Variants in PAX6 observed in about 807,000 individuals in gnomAD.
The protein encoded by PAX6 is paired box protein Pax-6.
In PAX6, 7 loss-of-function variants were observed where a neutral mutation model predicts 60.7. That is an observed-to-expected ratio of 0.12 (90% CI 0.07 to 0.22). The LOEUF (loss-of-function observed/expected upper bound fraction) is 0.22. PAX6 is among the 10% of genes least tolerant of loss of function. The pLI is 1.00. For synonymous variants in PAX6, 208 were observed against 201.2 expected, an observed-to-expected ratio of 1.03 and a Z score of -0.29; for missense variants, 355 against 555.2, an observed-to-expected ratio of 0.64 and a Z score of 3.62.
chr11:31,794,418 CACCACACACA>C (rs1267369446), intron 9 of PAX6: 54 of 466,438 alleles, frequency 1.2e-4, no homozygotes, highest in Admixed American at 6.8e-4. Flanking sequence ...CACACACACA[CACCACACACA>C]CACACACACA....
At chr11:31,799,833 C>A (rs934531728) in intron 8 of PAX6, among the ~76,000 whole-genome samples, 2 of 152,176 alleles carry the variant, frequency 1.3e-5, no homozygotes, top group Admixed American at 1.3e-4. Flanking sequence ...ATATTATCTC[C>A]TTGTCACGAG....
intron 8 of PAX6, among the ~76,000 whole-genome samples, chr11:31,797,053 AG>A (rs1951810745): frequency 6.6e-6 from 1 of 152,146 alleles, no homozygotes; most frequent in Admixed American, 6.5e-5. Context: ...TGAAGAAGGA[AG>A]ACTGGAAATA....
intron 8 of PAX6, among the ~76,000 whole-genome samples, chr11:31,797,861 C>A (rs1204551913): frequency 6.6e-6 from 1 of 152,108 alleles, no homozygotes; most frequent in East Asian, 1.9e-4. Context: ...AAAGCAGGGG[C>A]CTTCAGTGGG....
chr11:31,816,672 G>T, intron 1 of PAX6: 1 of 695,122 alleles, frequency 1.4e-6, no homozygotes. Context: ...CACTGCGCTC[G>T]TCCCCCGTTT....
chr11:31,794,434 ACAC>A (rs2134640514), intron 9 of PAX6, 193 bp downstream of exon 9: 2 of 26,234 alleles, frequency 7.6e-5, no homozygotes, highest in East Asian at 4.5e-4. Flanking sequence ...ACACACACAC[ACAC>A]ACACACACAC....
At chr11:31,803,423 G>A (rs1406758254) in intron 4 of PAX6, 3 of 154,840 alleles carry the variant, frequency 1.9e-5, no homozygotes, top group Non-Finnish European at 2.9e-5. Context: ...TGCTCCCTTA[G>A]ACGCTAAAAT....
intron 4 of PAX6, 147 bp from the exon 5 acceptor site, chr11:31,802,981 G>C: frequency 6.1e-6 from 5 of 819,520 alleles, no homozygotes; most frequent in Admixed American, 2.1e-5. Flanking sequence ...AGGAGAGGAG[G>C]AGGAGACAAC....
chr11:31,802,846 G>C lies in PAX6; in HGVS notation c.11-12C>G, dbSNP rs766046559. ...CACTCCGCTGTGACCTGAGGAAAGGGAGAGGAGAGGAAAGGGGAAAAGAAG... is the reference window on the plus strand; with the variant it reads ...CACTCCGCTGTGACCTGAGGAAAGGCAGAGGAGAGGAAAGGGGAAAAGAAG... On this transcript the variant is annotated splice_polypyrimidine_tract_variant and intron_variant, in intron 4 of 13. Transcript: ENST00000640368. 1.3e-5 allele frequency: 21 copies of C among 1,613,488 alleles called. No homozygotes were observed. The African/African-American group carries it at 1.7e-4, about 13-fold the overall frequency.
In PAX6 at chr11:31,807,087, G is replaced by T. The variant is rs565376321; in HGVS notation, c.-128-162C>A. On this transcript the variant is annotated intron_variant, in intron 2 of 13. Transcript: ENST00000640368. The stretch of plus-strand genomic sequence containing the variant: ...CCAGCATTACACCCACATTTTCAGC[G>T]GCATCTGCCACAGAAGTCTCCATCC... Among the ~76,000 whole-genome samples, 5 of 152,182 alleles carry T rather than the reference G, an allele frequency of 3.3e-5. No homozygotes were observed. In the South Asian group the frequency reaches 1.0e-3, roughly 32 times the overall value.
chr11:31,790,332 G>T, intron 13 of PAX6: 1 of 717,276 alleles, frequency 1.4e-6, no homozygotes, highest in Non-Finnish European at 2.0e-6. Context: ...AAACCAATGT[G>T]TCACTTTTTA....
rs781132704 is a variant in PAX6 at position 31,801,340 on chromosome 11, T to C, written c.399+221A>G. The C allele has an allele frequency of 2.0e-5, 29 of 1,449,788 alleles. No homozygotes were observed. In the African/African-American group the frequency reaches 3.0e-4, roughly 15 times the overall value. The allele number at this position is 1,449,788 out of a possible 1,614,324, so 89.8% of individuals were successfully genotyped here. On this transcript the variant is annotated intron_variant, in intron 7 of 13. Coordinates refer to ENST00000640368, the MANE Select transcript of PAX6 (RefSeq NM_001368894.2). Reference sequence around the variant, plus strand: ...TGCCTCCGCCCTCTGTTTTGCAGCATGCAAATGAAGTGAATGACTCCCCAC... The same window carrying C: ...TGCCTCCGCCCTCTGTTTTGCAGCACGCAAATGAAGTGAATGACTCCCCAC...
upstream of PAX6, among the ~76,000 whole-genome samples, chr11:31,815,479 C>A (rs73470365): frequency 6.6e-6 from 1 of 152,004 alleles, no homozygotes; most frequent in African/African-American, 2.4e-5. Flanking sequence ...GACCTGGGAA[C>A]AGGCAGGCGG....
intron 4 of PAX6, chr11:31,805,313 G>A (rs1955452985): frequency 6.6e-6 from 1 of 152,316 alleles, no homozygotes; most frequent in African/African-American, 2.4e-5. Flanking sequence ...GCCAAGCCCT[G>A]GGGTCCGGCA....
In PAX6 at chr11:31,789,905, T is replaced by C; in HGVS notation, c.*29A>G. On this transcript the variant is annotated 3_prime_UTR_variant, in exon 14 of 14. Transcript: ENST00000640368. Reference sequence around the variant, plus strand: ...TCACTGACTGAATTAACACAATATTTCCTTTCCTTTTTTTTTTTTTTTTTT... The same window carrying C: ...TCACTGACTGAATTAACACAATATTCCCTTTCCTTTTTTTTTTTTTTTTTT... The C allele has an allele frequency of 3.3e-6, 5 of 1,532,192 alleles. No individual in the cohort carries two copies. The South Asian group carries it at 6.0e-5, about 18-fold the overall frequency. The allele number at this position is 1,532,192 out of a possible 1,614,324, so 94.9% of individuals were successfully genotyped here.
At chr11:31,790,911 CA>C in intron 12 of PAX6, 51 bp from the exon 13 acceptor site, 1 of 1,593,454 alleles carries the variant, frequency 6.3e-7, no homozygotes, top group Non-Finnish European at 8.6e-7. Flanking sequence ...ATCACACAGC[CA>C]CAGCCCCAGG....
upstream of PAX6, chr11:31,816,257 C>T (rs1437903711): frequency 2.1e-5 from 6 of 290,948 alleles, no homozygotes; most frequent in Admixed American, 5.1e-5. Context: ...TAAATAAACT[C>T]CGGGCCCTGG....
intron 4 of PAX6, chr11:31,803,897 A>T (rs758142770): frequency 6.6e-6 from 1 of 152,240 alleles, no homozygotes; most frequent in Admixed American, 6.5e-5. Flanking sequence ...CCTCCCCAAA[A>T]ACCACAGACA....
chr11:31,798,229 TAAG>T (rs1292840194), intron 8 of PAX6, among the ~76,000 whole-genome samples: 1 of 150,230 alleles, frequency 6.7e-6, no homozygotes, highest in Non-Finnish European at 1.5e-5. Flanking sequence ...GGGGAGGAGA[TAAG>T]AAAAAGTGTC....
intron 5 of PAX6, 115 bp downstream of exon 5, chr11:31,802,589 G>A (rs1222250166): frequency 4.4e-6 from 5 of 1,142,094 alleles, no homozygotes; most frequent in Admixed American, 4.6e-5. Flanking sequence ...GGGGACTGGG[G>A]TGGGTGAGGG....
Sources: gnomAD v4.1 joint callset for allele counts (sites outside exome capture counted in the v4.1 genomes callset) on GRCh38, gnomAD v4.1.1 for gene constraint, MANE v1.5 for transcripts, NCBI Gene and HGNC (gene_info 2026-07-23, HGNC 2026-07-21) for gene names.